Variants in METTL8 observed in about 807,000 individuals in gnomAD.
The protein encoded by METTL8 is tRNA N(3)-cytidine methyltransferase METTL8, mitochondrial.
Under a neutral mutation model 48.7 loss-of-function variants are expected in METTL8, and 32 were observed. The ratio of observed to expected loss-of-function variants is 0.66; its 90% CI spans 0.50 to 0.88. METTL8 has a LOEUF of 0.88. Ranked by LOEUF, METTL8 falls within the 40% of genes least tolerant of loss-of-function variation. METTL8 has a pLI of 0.00. For missense variants in METTL8, 464 were observed against 474.4 expected, an observed-to-expected ratio of 0.98 and a Z score of 0.20; for synonymous variants, 136 against 157.1, an observed-to-expected ratio of 0.87 and a Z score of 1.01.
In METTL8 at chr2:171,393,754, G is replaced by A. The variant is rs530640759; in HGVS notation, c.-12-1557C>T. On this transcript the variant is annotated intron_variant, in intron 1 of 9. Transcript: ENST00000375258. ...CAGATCATTGGAGGTGCTATTAGGC[G>A]TAAAAATGCCATATACTGTGCACTC... Among the ~76,000 whole-genome samples the A allele has an allele frequency of 7.2e-5, 11 of 152,282 alleles. No homozygotes were observed. The South Asian group carries it at 1.9e-3, about 26-fold the overall frequency.
Position 171,356,955 on chromosome 2 carries a change from T to TTTTTTTTTTTG in METTL8, c.235+3466_235+3467insCAAAAAAAAAA, listed in dbSNP as rs1559101786. On this transcript the variant is annotated intron_variant, in intron 3 of 9. Coordinates refer to ENST00000375258, the MANE Select transcript of METTL8 (RefSeq NM_001321154.2). ...ATTAGCCTTGTTCAAAGACAATATT[T>TTTTTTTTTTTG]TTTTTTTTTTTTTTGAGACAGGGTC... is the stretch of plus-strand genomic sequence containing the variant. Among the ~76,000 whole-genome samples the TTTTTTTTTTTG allele has an allele frequency of 5.0e-5, 6 of 121,136 alleles. No individual in the cohort carries two copies. In the East Asian group the frequency reaches 1.5e-3, roughly 31 times the overall value. The allele number at this position is 121,136 out of a possible 152,430, so 79.5% of individuals were successfully genotyped here.
chr2:171,419,092 T>C (rs1333536806), intron 1 of METTL8, among the ~76,000 whole-genome samples: 1 of 152,172 alleles, frequency 6.6e-6, no homozygotes, highest in Non-Finnish European at 1.5e-5. Context: ...ACTGTGTTTT[T>C]GTTTTTAGCA....
intron 1 of METTL8, among the ~76,000 whole-genome samples, chr2:171,429,916 T>C (rs1223217823): frequency 6.6e-6 from 1 of 151,974 alleles, no homozygotes; most frequent in Non-Finnish European, 1.5e-5. Context: ...GGCATGTGCC[T>C]GTAATCCCAG....
Position 171,362,787 on chromosome 2 carries a change from G to A in METTL8, c.144-2274C>T, listed in dbSNP as rs547635880. Among the ~76,000 whole-genome samples, 18 of 152,072 alleles carry A rather than the reference G, an allele frequency of 1.2e-4. No individual in the cohort carries two copies. The South Asian group carries it at 3.5e-3, about 30-fold the overall frequency. On this transcript the variant is annotated intron_variant, in intron 2 of 9. Transcript: ENST00000375258. Reference sequence around the variant, plus strand: ...AATAGTTTTTGTTTTGACTTATTTTGACTTACTTTAACATATGTGAGCAAT... The same window carrying A: ...AATAGTTTTTGTTTTGACTTATTTTAACTTACTTTAACATATGTGAGCAAT...
At chr2:171,424,981 T>C (rs569350077) in intron 1 of METTL8, among the ~76,000 whole-genome samples, 33 of 151,922 alleles carry the variant, frequency 2.2e-4, no homozygotes, top group Admixed American at 1.8e-3. Flanking sequence ...ATCATGGGGG[T>C]GGTTACCCTC....
intron 4 of METTL8, among the ~76,000 whole-genome samples, chr2:171,338,335 T>C (rs1256401821): frequency 6.6e-6 from 1 of 151,852 alleles, no homozygotes; most frequent in Non-Finnish European, 1.5e-5. Flanking sequence ...ACATGTACAG[T>C]AATAAAAGAA....
At chr2:171,341,834 T>TAC (rs56145145) in intron 3 of METTL8, among the ~76,000 whole-genome samples, 20,079 of 147,118 alleles carry the variant, frequency 0.14, 1,339 homozygotes, top group Middle Eastern at 0.19. Context: ...AATATTCATG[T>TAC]ACACACACAC....
intron 1 of METTL8, among the ~76,000 whole-genome samples, chr2:171,396,719 G>A (rs1574124923): frequency 1.3e-5 from 2 of 152,224 alleles, no homozygotes; most frequent in African/African-American, 4.8e-5. Context: ...ATGTTGAACT[G>A]AATGATAACA....
At chr2:171,426,088 C>T (rs747529724) in intron 1 of METTL8, among the ~76,000 whole-genome samples, 2 of 152,074 alleles carry the variant, frequency 1.3e-5, no homozygotes, top group African/African-American at 2.4e-5. Context: ...ACCCAGGAGG[C>T]AGAGGTTGCA....
At chr2:171,360,577 A>G in intron 2 of METTL8, 64 bp from the exon 3 acceptor site, 1 of 1,348,938 alleles carries the variant, frequency 7.4e-7, no homozygotes, top group South Asian at 1.2e-5. Flanking sequence ...AAAAGGTGAC[A>G]AGGAACCACA....
chr2:171,349,303 T>C (rs1683622204), intron 3 of METTL8, among the ~76,000 whole-genome samples: 1 of 152,128 alleles, frequency 6.6e-6, no homozygotes, highest in South Asian at 2.1e-4. Context: ...AAGAGGCAAT[T>C]GTCCTAAATT....
At chr2:171,366,084 G>T (rs538781769) in intron 2 of METTL8, among the ~76,000 whole-genome samples, 61 of 152,236 alleles carry the variant, frequency 4.0e-4, no homozygotes, top group African/African-American at 1.4e-3. Flanking sequence ...TTCTCCTAAG[G>T]TTTTCAGCTA....
intron 9 of METTL8, among the ~76,000 whole-genome samples, chr2:171,325,589 C>A (rs1276488615): frequency 6.6e-6 from 1 of 152,152 alleles, no homozygotes. Flanking sequence ...CAAAATGGAA[C>A]AGCCTTCACC....
chr2:171,334,204 T>A (rs1685846926), intron 5 of METTL8, among the ~76,000 whole-genome samples: 1 of 152,162 alleles, frequency 6.6e-6, no homozygotes, highest in African/African-American at 2.4e-5. Context: ...TGGGCAGTAG[T>A]TACCACATAC....
intron 2 of METTL8, among the ~76,000 whole-genome samples, chr2:171,373,833 G>A (rs969346102): frequency 6.6e-6 from 1 of 152,102 alleles, no homozygotes; most frequent in South Asian, 2.1e-4. Flanking sequence ...TGTTCCATTG[G>A]TCTATATCTC....
intron 3 of METTL8, among the ~76,000 whole-genome samples, chr2:171,356,953 T>TGTTTTTTTTTTTTTTTG (rs1553514755): frequency 7.1e-5 from 1 of 14,076 alleles, no homozygotes; most frequent in South Asian, 2.9e-3. Context: ...AAAGACAATA[T>TGTTTTTTTTTTTTTTTG]TTTTTTTTTT....
At chr2:171,382,789 T>C (rs1455329776) in intron 2 of METTL8, among the ~76,000 whole-genome samples, 4 of 151,686 alleles carry the variant, frequency 2.6e-5, no homozygotes, top group Non-Finnish European at 5.9e-5. Context: ...AACACACATC[T>C]GGGCCAGACG....
chr2:171,327,565 T>G (rs186205975), intron 7 of METTL8, among the ~76,000 whole-genome samples: 1 of 152,294 alleles, frequency 6.6e-6, no homozygotes, highest in Non-Finnish European at 1.5e-5. Flanking sequence ...TCCTTTCAAT[T>G]AAAACACTGT....
chr2:171,380,245 A>G (rs1687380882), intron 2 of METTL8, among the ~76,000 whole-genome samples: 1 of 152,248 alleles, frequency 6.6e-6, no homozygotes, highest in African/African-American at 2.4e-5. Flanking sequence ...GATGGAACAT[A>G]TCTCAAAATA....
Sources: allele counts gnomAD v4.1 joint callset (sites outside exome capture counted in the v4.1 genomes callset), GRCh38; gene constraint gnomAD v4.1.1; transcripts MANE v1.5; gene names NCBI Gene and HGNC (gene_info 2026-07-23, HGNC 2026-07-21).